The following TMEM117 variants were observed in gnomAD, a reference collection of about 807,000 sequenced individuals.
TMEM117 encodes the protein transmembrane protein 117.
A neutral mutation model predicts 52.4 loss-of-function variants in TMEM117; 27 were observed. The ratio of observed to expected loss-of-function variants is 0.51; its 90% CI spans 0.38 to 0.71. The LOEUF (loss-of-function observed/expected upper bound fraction) is 0.71. Among genes scored for constraint, TMEM117 ranks in the 30% least tolerant of loss-of-function variants. The pLI is 0.00. For synonymous variants in TMEM117, 215 were observed against 206.3 expected (o/e 1.04, Z -0.36); for missense variants, 556 against 630.5 (o/e 0.88, Z 1.26).
the TMEM117 span, among the ~76,000 whole-genome samples, chr12:43,806,669 A>T: frequency 2.8e-4 from 42 of 152,284 alleles, no homozygotes; most frequent in African/African-American, 9.9e-4. Context: ...TTTCCAGCTT[A>T]AAAAAGATGT....
At chr12:44,162,287 A>C (rs141061859) in intron 4 of TMEM117, among the ~76,000 whole-genome samples, 1 of 152,052 alleles carries the variant, frequency 6.6e-6, no homozygotes, top group Non-Finnish European at 1.5e-5. Flanking sequence ...CCCTCATGCA[A>C]AGTTTGGGGT....
chr12:44,343,010 C>T (rs1565735911), intron 6 of TMEM117, among the ~76,000 whole-genome samples: 2 of 151,984 alleles, frequency 1.3e-5, no homozygotes, highest in Non-Finnish European at 2.9e-5. Context: ...CTCAGCCTCC[C>T]GAGTAGCTGG....
chr12:44,263,099 T>G (rs1950339019), intron 5 of TMEM117, among the ~76,000 whole-genome samples: 1 of 152,232 alleles, frequency 6.6e-6, no homozygotes. Context: ...AGTTAACACT[T>G]TAAATAGGCT....
In TMEM117 at chr12:43,979,135, G is replaced by A. The variant is rs369477702; in HGVS notation, c.410+34793G>A. Among the ~76,000 whole-genome samples the A allele has an allele frequency of 3.9e-5, 6 of 151,996 alleles. No individual in the cohort carries two copies. The East Asian group carries it at 9.7e-4, about 25-fold the overall frequency. On this transcript the variant is annotated intron_variant, in intron 3 of 7. Coordinates refer to ENST00000266534, the MANE Select transcript of TMEM117 (RefSeq NM_032256.3). Reference sequence around the variant, plus strand: ...GGGCGAAGCCAATTAATATTACCCAGTAATTTTTGATAATCATTTAAGGTG... The same window carrying A: ...GGGCGAAGCCAATTAATATTACCCAATAATTTTTGATAATCATTTAAGGTG...
At chr12:43,897,348 G>A (rs913235268) in intron 2 of TMEM117, among the ~76,000 whole-genome samples, 1 of 126,632 alleles carries the variant, frequency 7.9e-6, no homozygotes, top group African/African-American at 3.0e-5. Flanking sequence ...GTCTCACATT[G>A]TCACCTGGGC....
chr12:43,802,986 C>A, the TMEM117 span, among the ~76,000 whole-genome samples: 1 of 152,142 alleles, frequency 6.6e-6, no homozygotes, highest in African/African-American at 2.4e-5. Context: ...TGGTATTCAG[C>A]AGAATCAAGT....
chr12:44,040,998 G>A (rs1469559521), intron 3 of TMEM117, among the ~76,000 whole-genome samples: 1 of 152,040 alleles, frequency 6.6e-6, no homozygotes, highest in East Asian at 1.9e-4. Context: ...GAAAAAATAA[G>A]CACATGGAAA....
intron 3 of TMEM117, among the ~76,000 whole-genome samples, chr12:44,015,669 T>C (rs1243611567): frequency 6.6e-6 from 1 of 152,190 alleles, no homozygotes; most frequent in African/African-American, 2.4e-5. Flanking sequence ...CTCTTCGGAA[T>C]TCAGGATTCA....
chr12:44,006,303 A>C (rs988531247), intron 3 of TMEM117, among the ~76,000 whole-genome samples: 1 of 152,208 alleles, frequency 6.6e-6, no homozygotes, highest in Non-Finnish European at 1.5e-5. Context: ...AAGTGCTTGC[A>C]AGGTACCTAG....
intron 3 of TMEM117, 86 bp downstream of exon 3, chr12:43,944,428 T>A: frequency 8.0e-7 from 1 of 1,246,814 alleles, no homozygotes; most frequent in South Asian, 1.5e-5. Flanking sequence ...TGTAGTAGTC[T>A]AAGTCTGCTT....
intron 3 of TMEM117, among the ~76,000 whole-genome samples, chr12:44,094,363 A>G (rs1046001169): frequency 6.6e-6 from 1 of 152,190 alleles, no homozygotes; most frequent in Admixed American, 6.6e-5. Context: ...AGTGAGTGGA[A>G]TGAATTGGAG....
intron 3 of TMEM117, among the ~76,000 whole-genome samples, chr12:43,964,733 G>A (rs955966030): frequency 3.9e-5 from 6 of 152,136 alleles, no homozygotes; most frequent in South Asian, 2.1e-4. Context: ...TGGCTACTAC[G>A]CTCTGGTTGG....
chr12:44,309,699 TA>T (rs1402707564), intron 6 of TMEM117, among the ~76,000 whole-genome samples: 2 of 151,780 alleles, frequency 1.3e-5, no homozygotes, highest in African/African-American at 4.8e-5. Context: ...TAATATTATT[TA>T]TAACTTTACA....
chr12:43,978,963 T>A (rs1379301954), intron 3 of TMEM117, among the ~76,000 whole-genome samples: 1 of 151,034 alleles, frequency 6.6e-6, no homozygotes, highest in African/African-American at 2.4e-5. Context: ...GTCTGTGCAA[T>A]CTAGTTGCCT....
intron 4 of TMEM117, among the ~76,000 whole-genome samples, chr12:44,207,257 G>A (rs889356880): frequency 5.3e-5 from 8 of 152,076 alleles, no homozygotes; most frequent in African/African-American, 1.7e-4. Flanking sequence ...TTTTGGTCTT[G>A]TATCCCTAAT....
rs1381893272 is a variant in TMEM117 at position 44,074,402 on chromosome 12, CAAATT to C, written c.411-69120_411-69116del. ...GTCTTTTATTAGTTAATACCAGAAACAAATTAATAGCGCCTATGGAAATTAAATTT... is the reference window on the plus strand; with the variant it reads ...GTCTTTTATTAGTTAATACCAGAAACAATAGCGCCTATGGAAATTAAATTT... On this transcript the variant is annotated intron_variant, in intron 3 of 7. Coordinates refer to ENST00000266534, the MANE Select transcript of TMEM117 (RefSeq NM_032256.3). Among the ~76,000 whole-genome samples, 6 of 152,154 alleles carry C rather than the reference CAAATT, an allele frequency of 3.9e-5. No homozygotes were observed. In the South Asian group the frequency reaches 8.3e-4, roughly 21 times the overall value.
At chr12:44,141,373 C>T (rs544300967) in intron 3 of TMEM117, among the ~76,000 whole-genome samples, 1 of 152,112 alleles carries the variant, frequency 6.6e-6, no homozygotes, top group Admixed American at 6.6e-5. Context: ...TTTCCTGATC[C>T]TCTCTCTCCT....
intron 2 of TMEM117, among the ~76,000 whole-genome samples, chr12:43,942,248 C>G (rs1382477436): frequency 1.3e-5 from 2 of 152,164 alleles, no homozygotes; most frequent in East Asian, 3.9e-4. Flanking sequence ...AGAACTGTGT[C>G]TGGCATGTAA....
intron 4 of TMEM117, among the ~76,000 whole-genome samples, chr12:44,153,312 T>C (rs1948781599): frequency 6.6e-6 from 1 of 152,076 alleles, no homozygotes; most frequent in Non-Finnish European, 1.5e-5. Context: ...TTTTATTGTT[T>C]TCACATACTA....
Sources: gnomAD v4.1 joint callset for allele counts (sites outside exome capture counted in the v4.1 genomes callset) on GRCh38, gnomAD v4.1.1 for gene constraint, MANE v1.5 for transcripts, NCBI Gene and HGNC (gene_info 2026-07-23, HGNC 2026-07-21) for gene names.